MID1: variants seen among roughly 807,000 people sequenced by gnomAD.
The protein encoded by MID1 is E3 ubiquitin-protein ligase Midline-1.
MID1 carries 7 observed loss-of-function variants against 40.4 expected under a neutral mutation model. The observed-to-expected ratio is 0.17, with a 90% CI of 0.10 to 0.33. The LOEUF (loss-of-function observed/expected upper bound fraction) is 0.33. Among genes scored for constraint, MID1 ranks in the 10% least tolerant of loss-of-function variants. The pLI is 1.00. For synonymous variants in MID1, 229 were observed against 221.2 expected (o/e 1.04, Z -0.31); for missense variants, 367 against 558.5 (o/e 0.66, Z 3.46).
chrX:10,809,777 T>A (rs1602591212), intron 1 of MID1, among the ~76,000 whole-genome samples: 3 of 33,730 alleles, frequency 8.9e-5, no homozygotes, highest in African/African-American at 1.3e-4. Context: ...TGTTGTGGGG[T>A]AGGGGGAGGG....
At chrX:10,739,226 C>T (rs1296688704) in intron 1 of MID1, among the ~76,000 whole-genome samples, 1 of 111,343 alleles carries the variant, frequency 9.0e-6, no homozygotes, top group Non-Finnish European at 1.9e-5. Context: ...TGAGATGGCA[C>T]AATTAGATAT....
chrX:10,817,815 T>C (rs1375511617), intron 1 of MID1, among the ~76,000 whole-genome samples: 2 of 109,647 alleles, frequency 1.8e-5, no homozygotes, highest in Non-Finnish European at 3.8e-5. Flanking sequence ...GACGGGGTTT[T>C]GCCATGTTGG....
intron 2 of MID1, among the ~76,000 whole-genome samples, chrX:10,550,645 T>C (rs900537999): frequency 2.7e-5 from 3 of 112,121 alleles, no homozygotes; most frequent in Admixed American, 9.4e-5. Flanking sequence ...AGAGTAAAAC[T>C]GAGCATTTCT....
At chrX:10,777,237 C>T (rs1037466251) in intron 1 of MID1, among the ~76,000 whole-genome samples, 1 of 100,859 alleles carries the variant, frequency 9.9e-6, no homozygotes, top group African/African-American at 3.7e-5. Flanking sequence ...GTCTCTCTGT[C>T]GCCCAGGCTG....
chrX:10,499,217 G>A (rs1397440750), intron 3 of MID1, among the ~76,000 whole-genome samples: 1 of 111,516 alleles, frequency 9.0e-6, no homozygotes, highest in Non-Finnish European at 1.9e-5. Flanking sequence ...CATCTTTTTC[G>A]TGAACTTACT....
intron 4 of MID1, among the ~76,000 whole-genome samples, chrX:10,486,324 C>T (rs1930614092): frequency 8.9e-6 from 1 of 112,030 alleles, no homozygotes; most frequent in African/African-American, 3.2e-5. Flanking sequence ...CACAATTCTG[C>T]CTGGTTCTTG....
At position 10,727,583 on chromosome X, in the gene MID1, C is replaced by T. The variant is rs1015179027; in HGVS notation, c.-187+105971G>A. On this transcript the variant is annotated intron_variant, in intron 1 of 10. Transcript: ENST00000380785. ...TTGAGAGAATCATCATTCTAATATC[C>T]AAAGCAGTGATTCTCAAAGTGTGGT... Among the ~76,000 whole-genome samples the T allele has an allele frequency of 1.6e-4, 18 of 111,685 alleles. No homozygotes were observed. The Admixed American group carries it at 1.7e-3, about 11-fold the overall frequency.
At chrX:10,592,356 C>G (rs891696317) in intron 1 of MID1, among the ~76,000 whole-genome samples, 6 of 104,582 alleles carry the variant, frequency 5.7e-5, no homozygotes, top group Middle Eastern at 4.4e-3. Flanking sequence ...CTCCTCACTT[C>G]CTGGTTATCT....
At chrX:10,610,297 C>G (rs1454497840) in intron 1 of MID1, among the ~76,000 whole-genome samples, 1 of 112,289 alleles carries the variant, frequency 8.9e-6, no homozygotes, top group Non-Finnish European at 1.9e-5. Context: ...AGCAATCCCA[C>G]TTCTGGGGAT....
chrX:10,806,251 A>G (rs1241884227), intron 1 of MID1, among the ~76,000 whole-genome samples: 1 of 111,766 alleles, frequency 8.9e-6, no homozygotes, highest in Non-Finnish European at 1.9e-5. Flanking sequence ...ATTTTTGTAT[A>G]AGGTGTAAGG....
intron 1 of MID1, among the ~76,000 whole-genome samples, chrX:10,604,026 G>T (rs1264999765): frequency 3.6e-5 from 4 of 111,748 alleles, no homozygotes; most frequent in Non-Finnish European, 5.6e-5. Flanking sequence ...TAAAAGAGAT[G>T]ATGTCTTAAT....
intron 1 of MID1, among the ~76,000 whole-genome samples, chrX:10,798,968 T>G (rs896978307): frequency 1.1e-4 from 12 of 111,532 alleles, no homozygotes; most frequent in Non-Finnish European, 1.9e-4. Flanking sequence ...TGTGGGTGAA[T>G]TTTTTTTCTT....
chrX:10,793,694 C>A (rs1442546349), intron 1 of MID1, among the ~76,000 whole-genome samples: 1 of 111,915 alleles, frequency 8.9e-6, no homozygotes, highest in African/African-American at 3.2e-5. Flanking sequence ...TGGGCCATAT[C>A]TTGCCCTTGC....
chrX:10,796,084 A>G (rs1282500546), intron 1 of MID1, among the ~76,000 whole-genome samples: 1 of 112,305 alleles, frequency 8.9e-6, no homozygotes, highest in Admixed American at 9.5e-5. Context: ...TCTGCCATAA[A>G]TCTTCATCAG....
intron 2 of MID1, among the ~76,000 whole-genome samples, chrX:10,555,264 A>G (rs986053067): frequency 2.7e-5 from 3 of 112,137 alleles, no homozygotes; most frequent in African/African-American, 9.7e-5. Flanking sequence ...TTGCAATTCC[A>G]AATGACTGAA....
chrX:10,469,348 A>ATCTT, intron 7 of MID1: 2 of 957,705 alleles, frequency 2.1e-6, no homozygotes, highest in Non-Finnish European at 2.6e-6. Flanking sequence ...GTTTATTTTG[A>ATCTT]TCTTTAAGTT....
chrX:10,613,732 T>TATATATATATATAG (rs1482081086), intron 1 of MID1, among the ~76,000 whole-genome samples: 4 of 17,480 alleles, frequency 2.3e-4, no homozygotes, highest in East Asian at 2.9e-3. Context: ...TATATATATA[T>TATATATATATATAG]AGAGAGAGAG....
intron 3 of MID1, among the ~76,000 whole-genome samples, chrX:10,521,370 G>A (rs1177730262): frequency 9.0e-6 from 1 of 111,043 alleles, no homozygotes; most frequent in Non-Finnish European, 1.9e-5. Context: ...AGAGAAAGGA[G>A]CGATGACTCT....
intron 1 of MID1, among the ~76,000 whole-genome samples, chrX:10,707,076 T>C (rs2043236184): frequency 8.9e-6 from 1 of 111,821 alleles, no homozygotes; most frequent in African/African-American, 3.2e-5. Context: ...TGTTTTCAGG[T>C]TGATGATGTT....
Sources: allele counts gnomAD v4.1 joint callset (sites outside exome capture counted in the v4.1 genomes callset), GRCh38; gene constraint gnomAD v4.1.1; transcripts MANE v1.5; gene names NCBI Gene and HGNC (gene_info 2026-07-23, HGNC 2026-07-21).